The following TYR variants were observed in gnomAD, a reference collection of about 807,000 sequenced individuals.
TYR encodes LB24-AB.
TYR carries 58 observed loss-of-function variants against 51.5 expected under a neutral mutation model. The ratio of observed to expected loss-of-function variants is 1.13; its 90% CI spans 0.91 to 1.40. The LOEUF (loss-of-function observed/expected upper bound fraction) is 1.40, where lower values mean the gene tolerates loss of function less well. Ranked by LOEUF, TYR falls within the 40% of genes most tolerant of loss-of-function variation. The pLI, the probability that TYR is intolerant of heterozygous loss-of-function variation, is 0.00. For missense variants in TYR, 732 were observed against 647.4 expected (o/e 1.13, Z -1.42); for synonymous variants, 263 against 235.2 (o/e 1.12, Z -1.08).
intron 3 of TYR, among the ~76,000 whole-genome samples, chr11:89,258,406 C>T (rs950538404): frequency 2.7e-5 from 4 of 149,392 alleles, no homozygotes; most frequent in African/African-American, 9.8e-5. Flanking sequence ...AAGGAAATCT[C>T]TTATTACCTA....
chr11:89,204,087 C>A (rs559058290), intron 2 of TYR, among the ~76,000 whole-genome samples: 2 of 152,314 alleles, frequency 1.3e-5, no homozygotes, highest in African/African-American at 4.8e-5. Context: ...GCAATTCTAT[C>A]CCCACCAGGC....
chr11:89,289,679 T>G (rs1326079703), intron 4 of TYR, among the ~76,000 whole-genome samples: 2 of 151,958 alleles, frequency 1.3e-5, no homozygotes, highest in Non-Finnish European at 2.9e-5. Context: ...ATAAAACAAG[T>G]AAGACATAAT....
At chr11:89,230,464 G>A (rs79902720) in intron 3 of TYR, among the ~76,000 whole-genome samples, 3,832 of 152,108 alleles carry the variant, frequency 0.025, 181 homozygotes, top group African/African-American at 0.088. Context: ...CAAGACTTTG[G>A]TCTGGGCAAT....
intron 4 of TYR, among the ~76,000 whole-genome samples, chr11:89,291,850 G>A (rs1944855727): frequency 6.6e-6 from 1 of 151,856 alleles, no homozygotes; most frequent in African/African-American, 2.4e-5. Flanking sequence ...TTTAAATAAT[G>A]ATTTTAACTC....
intron 2 of TYR, among the ~76,000 whole-genome samples, chr11:89,214,067 A>G (rs975984509): frequency 1.3e-5 from 2 of 152,232 alleles, no homozygotes; most frequent in Non-Finnish European, 2.9e-5. Flanking sequence ...AATGGCAACA[A>G]AAGCCAAAAT....
Position 89,187,272 on chromosome 11 carries a change from A to G in TYR, c.820-3930A>G, listed in dbSNP as rs963143994. ...AGCCAGTCCTGCCTAGAGCACCACA[A>G]TATTTACAGGTAAGACAGACGAGGA... On this transcript the variant is annotated intron_variant, in intron 1 of 4. Coordinates refer to ENST00000263321, the MANE Select transcript of TYR (RefSeq NM_000372.5). Among the ~76,000 whole-genome samples the G allele has an allele frequency of 2.4e-4, 36 of 152,140 alleles. 1 individual carries two copies. The highest frequency in any genetic ancestry group is 2.4e-3 in the Admixed American group (36 of 15,268).
At chr11:89,209,216 G>T (rs535191591) in intron 2 of TYR, among the ~76,000 whole-genome samples, 1 of 152,302 alleles carries the variant, frequency 6.6e-6, no homozygotes, top group South Asian at 2.1e-4. Flanking sequence ...TGTACCTGGA[G>T]GAACAGTACA....
At position 89,284,996 on chromosome 11, in the gene TYR, T is replaced by C. The variant is rs372662686; in HGVS notation, c.1366+42T>C. ...TTCAGAGGAATTGCTGAATCTAGTG[T>C]TACCAATTTATTTTGAGATAACACA... On this transcript the variant is annotated intron_variant, in intron 4 of 4. Transcript: ENST00000263321. The C allele has an allele frequency of 5.8e-6, 9 of 1,549,192 alleles. No individual in the cohort carries two copies. In the African/African-American group the frequency reaches 9.5e-5, roughly 16 times the overall value.
intron 2 of TYR, among the ~76,000 whole-genome samples, chr11:89,199,220 T>C (rs528473249): frequency 6.6e-6 from 1 of 152,306 alleles, no homozygotes; most frequent in African/African-American, 2.4e-5. Flanking sequence ...GCAATAAACA[T>C]ATGTGTGCGT....
chr11:89,279,506 G>T (rs1944695551), intron 3 of TYR, among the ~76,000 whole-genome samples: 1 of 151,566 alleles, frequency 6.6e-6, no homozygotes, highest in African/African-American at 2.4e-5. Flanking sequence ...TGCAACACTG[G>T]CCATAAGCAT....
chr11:89,213,134 G>A (rs1591158901), intron 2 of TYR, among the ~76,000 whole-genome samples: 1 of 151,964 alleles, frequency 6.6e-6, no homozygotes, highest in African/African-American at 2.4e-5. Context: ...AAATAGGAAG[G>A]GAGGAAGTCC....
chr11:89,263,063 A>G (rs910804815), intron 3 of TYR, among the ~76,000 whole-genome samples: 4 of 151,902 alleles, frequency 2.6e-5, no homozygotes, highest in South Asian at 2.1e-4. Context: ...AGAGAAAACT[A>G]CAGAACAATA....
chr11:89,283,399 T>C (rs1944740768), intron 3 of TYR, among the ~76,000 whole-genome samples: 2 of 151,878 alleles, frequency 1.3e-5, no homozygotes, highest in Admixed American at 6.6e-5. Context: ...ATTGTATTCA[T>C]TTTGTTTGAA....
At chr11:89,222,106 G>A (rs967711618) in intron 2 of TYR, among the ~76,000 whole-genome samples, 2 of 152,316 alleles carry the variant, frequency 1.3e-5, no homozygotes, top group East Asian at 1.9e-4. Context: ...TATAGTGTAA[G>A]ATTTTAAAGG....
intron 2 of TYR, among the ~76,000 whole-genome samples, chr11:89,213,607 C>G (rs1302726087): frequency 1.3e-5 from 2 of 151,992 alleles, no homozygotes; most frequent in Non-Finnish European, 2.9e-5. Flanking sequence ...CATATGGAAC[C>G]AAAAAGAGCC....
intron 1 of TYR, among the ~76,000 whole-genome samples, chr11:89,179,108 G>T (rs139940792): frequency 6.4e-4 from 98 of 152,158 alleles, no homozygotes; most frequent in African/African-American, 2.2e-3. Context: ...ATGAGTGAAT[G>T]AATGAATATC....
chr11:89,210,362 G>GAATATCAGT (rs1555088304), intron 2 of TYR, among the ~76,000 whole-genome samples: 5 of 121,848 alleles, frequency 4.1e-5, no homozygotes, highest in African/African-American at 1.6e-4. Context: ...GAGGAAGAAA[G>GAATATCAGT]GATTGAAGAT....
At chr11:89,272,368 A>C (rs1279595376) in intron 3 of TYR, among the ~76,000 whole-genome samples, 1 of 151,790 alleles carries the variant, frequency 6.6e-6, no homozygotes, top group Non-Finnish European at 1.5e-5. Flanking sequence ...GACCTTGTCA[A>C]TGTGCAGTAA....
chr11:89,241,667 C>T (rs1035161423), intron 3 of TYR, among the ~76,000 whole-genome samples: 25 of 150,540 alleles, frequency 1.7e-4, no homozygotes, highest in Admixed American at 4.0e-4. Flanking sequence ...TTAATTCTTA[C>T]AATTAACTAA....
Sources: allele counts gnomAD v4.1 joint callset (sites outside exome capture counted in the v4.1 genomes callset), GRCh38; gene constraint gnomAD v4.1.1; transcripts MANE v1.5; gene names NCBI Gene and HGNC (gene_info 2026-07-23, HGNC 2026-07-21).